The following OTOGL variants were observed in gnomAD, a reference collection of about 807,000 sequenced individuals.
OTOGL encodes otogelin-like protein.
In OTOGL, 285 loss-of-function variants were observed where a neutral mutation model predicts 318.5. The ratio of observed to expected loss-of-function variants is 0.89; its 90% CI spans 0.81 to 0.99. The LOEUF (loss-of-function observed/expected upper bound fraction) is 0.99. Ranked by LOEUF, OTOGL falls within the 50% of genes least tolerant of loss-of-function variation. OTOGL has a pLI of 0.00. For missense variants in OTOGL, 2,899 were observed against 2,845.6 expected (o/e 1.02, Z -0.43); for synonymous variants, 987 against 936.5 (o/e 1.05, Z -0.99).
chr12:80,308,073 G>A (rs1411210771), intron 29 of OTOGL, among the ~76,000 whole-genome samples: 3 of 138,560 alleles, frequency 2.2e-5, no homozygotes, highest in Non-Finnish European at 3.1e-5. Context: ...CCTCCCGGAC[G>A]GGGCGGCTGG....
intron 1 of OTOGL, among the ~76,000 whole-genome samples, chr12:80,121,784 C>T (rs1047427609): frequency 2.6e-5 from 4 of 152,068 alleles, no homozygotes; most frequent in African/African-American, 9.7e-5. Flanking sequence ...GGAGGTTCTT[C>T]GTGGGTTTAT....
intron 47 of OTOGL, 102 bp downstream of exon 47, chr12:80,356,050 G>A (rs1340781669): frequency 4.7e-6 from 6 of 1,264,414 alleles, no homozygotes; most frequent in Non-Finnish European, 6.7e-6. Context: ...TTTAAAAAAG[G>A]GCCATAAATG....
At chr12:80,368,558 T>A (rs181992192) in intron 55 of OTOGL, among the ~76,000 whole-genome samples, 2 of 152,152 alleles carry the variant, frequency 1.3e-5, no homozygotes, top group African/African-American at 2.4e-5. Context: ...TTTCTAGATG[T>A]AAGAAATAGG....
intron 11 of OTOGL, among the ~76,000 whole-genome samples, chr12:80,244,520 A>G (rs1019491699): frequency 6.7e-6 from 1 of 149,138 alleles, no homozygotes; most frequent in Non-Finnish European, 1.5e-5. Context: ...TTATGGCTGC[A>G]TAGTATTCCA....
chr12:80,307,190 G>GTCTCCCATGT (rs1384398713), intron 29 of OTOGL, among the ~76,000 whole-genome samples: 1 of 151,048 alleles, frequency 6.6e-6, no homozygotes, highest in Non-Finnish European at 1.5e-5. Flanking sequence ...AAAATGAAAA[G>GTCTCCCATGT]TCTCCCATGT....
chr12:80,227,411 C>T lies in OTOGL; in HGVS notation c.490-1846C>T, dbSNP rs114861301. 6.4e-3 allele frequency among the ~76,000 whole-genome samples: 967 copies of T among 151,870 alleles called. 13 individuals carry two copies. The highest frequency in any genetic ancestry group is 0.022 in the African/African-American group (917 of 41,402). On this transcript the variant is annotated intron_variant, in intron 7 of 58. Transcript: ENST00000547103. ...TAAATTGTTTTTTATTTCTTTGATT[C>T]CCTTTCTTTTGTTTATTTGATGTCT...
intron 43 of OTOGL, 49 bp downstream of exon 43, chr12:80,339,313 T>TTTTTTTTTTC (rs1888620111): frequency 7.0e-7 from 1 of 1,428,974 alleles, no homozygotes; most frequent in African/African-American, 1.5e-5. Flanking sequence ...TTTTTTTTTT[T>TTTTTTTTTTC]TTTTTTTTTT....
Position 80,368,322 on chromosome 12 carries a change from G to C in OTOGL, c.6615+13G>C. 2 of 1,546,388 alleles carry C rather than the reference G, an allele frequency of 1.3e-6. No homozygotes were observed. Among genetic ancestry groups the C allele is most frequent in the Non-Finnish European group, 1.8e-6 (2 of 1,133,322 alleles). On this transcript the variant is annotated intron_variant, in intron 55 of 58. Coordinates refer to ENST00000547103, the MANE Select transcript of OTOGL (RefSeq NM_001378609.3). ...AGTTGTATACGCGGTATGTTTCATG[G>C]AGAGTAATGCTCTGTGCTATTTTCT...
At chr12:80,142,330 G>A (rs1872004336) in intron 1 of OTOGL, among the ~76,000 whole-genome samples, 1 of 152,122 alleles carries the variant, frequency 6.6e-6, no homozygotes, top group South Asian at 2.1e-4. Flanking sequence ...ATTGTACTGG[G>A]TGGCACAGAT....
At chr12:80,182,536 A>T (rs1874998261) in intron 1 of OTOGL, among the ~76,000 whole-genome samples, 1 of 152,260 alleles carries the variant, frequency 6.6e-6, no homozygotes. Context: ...TGATCAATTG[A>T]CATAGAGGTT....
At chr12:80,180,721 T>A (rs79525461) in intron 1 of OTOGL, among the ~76,000 whole-genome samples, 2 of 152,122 alleles carry the variant, frequency 1.3e-5, no homozygotes, top group East Asian at 3.8e-4. Flanking sequence ...CCAATAATGT[T>A]TTTTTTGCCA....
Position 80,225,877 on chromosome 12 carries a change from A to AT in OTOGL, c.490-3374dup, listed in dbSNP as rs575006453. Reference sequence around the variant, plus strand: ...GATATCCTTATCTATACCCCCGACTATTTTTTCCATCTTTAAATTCTATTT... The same window carrying AT: ...GATATCCTTATCTATACCCCCGACTATTTTTTTCCATCTTTAAATTCTATTT... On this transcript the variant is annotated intron_variant, in intron 7 of 58. Coordinates refer to ENST00000547103, the MANE Select transcript of OTOGL (RefSeq NM_001378609.3). Among the ~76,000 whole-genome samples, 447 of 152,020 alleles carry AT rather than the reference A, an allele frequency of 2.9e-3. 2 individuals are homozygous for AT. The highest frequency in any genetic ancestry group is 5.1e-3 in the Non-Finnish European group (345 of 67,972).
At chr12:80,209,741 A>G (rs1877100327) in intron 2 of OTOGL, among the ~76,000 whole-genome samples, 1 of 152,068 alleles carries the variant, frequency 6.6e-6, no homozygotes, top group Non-Finnish European at 1.5e-5. Flanking sequence ...TGCTTTTATT[A>G]TGATATGCAA....
chr12:80,348,360 CTATT>C (rs1190114166), intron 44 of OTOGL, among the ~76,000 whole-genome samples: 2 of 152,152 alleles, frequency 1.3e-5, no homozygotes, highest in African/African-American at 4.8e-5. Context: ...TTTCCCAACA[CTATT>C]TATTAAATAG....
chr12:80,133,604 T>G (rs12820454), intron 1 of OTOGL: 5,294 of 152,108 alleles, frequency 0.035, 108 homozygotes, highest in South Asian at 0.089. Flanking sequence ...AGAGCTAAAC[T>G]CATTCAAGCC....
chr12:80,120,005 TAGAA>T (rs970595236), intron 1 of OTOGL, among the ~76,000 whole-genome samples: 1 of 152,172 alleles, frequency 6.6e-6, no homozygotes, highest in African/African-American at 2.4e-5. Flanking sequence ...TCTCTTCTCT[TAGAA>T]AGCAATAGTT....
intron 1 of OTOGL, among the ~76,000 whole-genome samples, chr12:80,186,631 G>C (rs962359438): frequency 6.6e-6 from 1 of 152,078 alleles, no homozygotes; most frequent in African/African-American, 2.4e-5. Context: ...ATTTTCAGAC[G>C]TATCGCTCAC....
Position 80,356,922 on chromosome 12 carries a change from T to C in OTOGL, c.6019+8T>C. On this transcript the variant is annotated splice_region_variant and intron_variant, in intron 49 of 58. Coordinates refer to ENST00000547103, the MANE Select transcript of OTOGL (RefSeq NM_001378609.3). ...GTTTTTCCCCTTTTTGTGGTGAGTA[T>C]TGTAGAGATAATTTCTTGGAAGAAG... 6.6e-7 allele frequency: 1 copy of C among 1,511,728 alleles called. No individual in the cohort carries two copies. The highest frequency in any genetic ancestry group is 8.9e-7 in the Non-Finnish European group (1 of 1,125,142). The allele number at this position is 1,511,728 out of a possible 1,614,324, so 93.6% of individuals were successfully genotyped here.
At position 80,313,629 on chromosome 12, in the gene OTOGL, T is replaced by C; in HGVS notation, c.3604T>C (p.Cys1202Arg). The C allele has an allele frequency of 6.2e-7, 1 of 1,609,664 alleles. No individual in the cohort carries two copies. Among genetic ancestry groups the C allele is most frequent in the African/African-American group, 1.3e-5 (1 of 74,912 alleles). Residue 1202 changes from cysteine to arginine, a missense_variant, in exon 31 of 59, where the codon TGT becomes CGT. Cys to Arg is a radical substitution (Grantham distance 180). Coordinates refer to ENST00000547103, the MANE Select transcript of OTOGL (RefSeq NM_001378609.3). ...ISIHWRSSTV[C>R]SLDCEYYNEG... The stretch of plus-strand genomic sequence containing the variant: ...AATTCATTGGAGATCATCTACTGTT[T>C]GTTGTAAGTACCCTACTTAGAACAT...
Sources: allele counts gnomAD v4.1 joint callset (sites outside exome capture counted in the v4.1 genomes callset), GRCh38; gene constraint gnomAD v4.1.1; transcripts MANE v1.5; gene names NCBI Gene and HGNC (gene_info 2026-07-23, HGNC 2026-07-21).